Variants in TRPC4AP observed in about 807,000 individuals in gnomAD.
The protein encoded by TRPC4AP is transient receptor potential cation channel subfamily C member 4 associated protein.
TRPC4AP carries 45 observed loss-of-function variants against 99.0 expected under a neutral mutation model. That is an observed-to-expected ratio of 0.45 (90% confidence interval 0.36 to 0.58). TRPC4AP has a LOEUF of 0.58. Ranked by LOEUF, TRPC4AP falls within the 20% of genes least tolerant of loss-of-function variation. The pLI, the probability that TRPC4AP is intolerant of heterozygous loss-of-function variation, is 0.00. For synonymous variants in TRPC4AP, 408 were observed against 385.8 expected (o/e 1.06, Z -0.67); for missense variants, 879 against 985.3 (o/e 0.89, Z 1.44).
chr20:35,003,702 G>T, intron 17 of TRPC4AP, 86 bp from the exon 18 acceptor site: 1 of 1,448,334 alleles, frequency 6.9e-7, no homozygotes, highest in South Asian at 1.3e-5. Flanking sequence ...AGGCAGGGAG[G>T]AGAGTGGCCC....
Position 35,021,371 on chromosome 20 carries a change from G to A in TRPC4AP, c.1052-15C>T, listed in dbSNP as rs756625174. 2.0e-5 allele frequency: 33 copies of A among 1,611,548 alleles called. No individual in the cohort carries two copies. In the East Asian group the frequency reaches 4.9e-4, roughly 24 times the overall value. ...CACAATGGAGGCTGACACAGCCACC[G>A]GAGACAGGATTGAGTCACAGCTTGT... On this transcript the variant is annotated splice_polypyrimidine_tract_variant and intron_variant, in intron 8 of 18. Coordinates refer to ENST00000252015, the MANE Select transcript of TRPC4AP (RefSeq NM_015638.3).
chr20:35,083,514 G>A (rs1055990521), intron 1 of TRPC4AP, among the ~76,000 whole-genome samples: 1 of 151,696 alleles, frequency 6.6e-6, no homozygotes, highest in Non-Finnish European at 1.5e-5. Context: ...GGAGGCTGAG[G>A]CAGGAGAATC....
intron 11 of TRPC4AP, among the ~76,000 whole-genome samples, chr20:35,011,628 ACCCACAACACC>A (rs1247851665): frequency 3.3e-4 from 21 of 64,054 alleles, no homozygotes; most frequent in Admixed American, 2.1e-3. Context: ...TGTGACTGTG[ACCCACAACACC>A]CTGTGACTGT....
chr20:35,059,914 A>AGAC (rs916684353), intron 3 of TRPC4AP, among the ~76,000 whole-genome samples: 7 of 99,392 alleles, frequency 7.0e-5, no homozygotes, highest in Non-Finnish European at 1.4e-4. Context: ...ACGAAGACGA[A>AGAC]GAAGACAAAG....
chr20:35,021,311 A>G lies in TRPC4AP; in HGVS notation c.1097T>C (p.Leu366Pro). 6.2e-7 allele frequency: 1 copy of G among 1,614,206 alleles called. No homozygotes were observed. Among genetic ancestry groups the G allele is most frequent in the Non-Finnish European group, 8.5e-7 (1 of 1,180,040 alleles). The change falls in exon 9 of 19, where the codon CTG becomes CCG. Residue 366 changes from leucine to proline, a missense_variant. Physicochemically the swap from Leu to Pro is moderately conservative, Grantham distance 98. Around this residue, in one of 3 missense-constraint regions of TRPC4AP, gnomAD observed 603 missense variants for 631.8 expected, o/e 0.95. Transcript: ENST00000252015. ...PPPGASEENG[L>P]PHTSARTQLP... is the part of the protein sequence containing the mutation. ...CTGGGTTCTGGCTGACGTGTGAGGC[A>G]GGCCATTCTCCTCAGAAGCCCCTGG...
chr20:35,084,643 TGTATGTTTATATGC>T (rs2084771980), intron 1 of TRPC4AP, among the ~76,000 whole-genome samples: 14 of 95,932 alleles, frequency 1.5e-4, no homozygotes, highest in South Asian at 7.2e-4. Context: ...TGTATATGTA[TGTATGTTTATATGC>T]ATATATGTGT....
chr20:35,047,723 A>T (rs2083591937), intron 6 of TRPC4AP, among the ~76,000 whole-genome samples: 1 of 152,186 alleles, frequency 6.6e-6, no homozygotes, highest in Admixed American at 6.5e-5. Flanking sequence ...ATACCCTTAC[A>T]CAATACAGTT....
intron 8 of TRPC4AP, among the ~76,000 whole-genome samples, chr20:35,022,085 TACTGTGCAG>T (rs2082903336): frequency 6.6e-6 from 1 of 151,932 alleles, no homozygotes; most frequent in South Asian, 2.1e-4. Flanking sequence ...CAGCTAGGGT[TACTGTGCAG>T]ACTGAATGGG....
chr20:35,011,424 G>A (rs2082632893), intron 11 of TRPC4AP, among the ~76,000 whole-genome samples: 1 of 152,156 alleles, frequency 6.6e-6, no homozygotes, highest in Admixed American at 6.5e-5. Context: ...TGTCTACCTT[G>A]GTGATCGTGT....
intron 7 of TRPC4AP, among the ~76,000 whole-genome samples, chr20:35,038,107 T>C (rs552567893): frequency 1.3e-5 from 2 of 149,748 alleles, no homozygotes; most frequent in African/African-American, 4.9e-5. Context: ...GTGTACGGCG[T>C]TTCCTTTTGG....
intron 3 of TRPC4AP, among the ~76,000 whole-genome samples, chr20:35,058,367 T>G (rs777913097): frequency 6.6e-6 from 1 of 152,322 alleles, no homozygotes; most frequent in African/African-American, 2.4e-5. Flanking sequence ...TCTACTCAAG[T>G]GCACATGAAA....
intron 8 of TRPC4AP, among the ~76,000 whole-genome samples, chr20:35,030,773 GGTTT>G (rs1466171279): frequency 6.6e-6 from 1 of 152,110 alleles, no homozygotes; most frequent in Admixed American, 6.6e-5. Flanking sequence ...ATAATTAGAT[GGTTT>G]GTGTAAGTTT....
intron 6 of TRPC4AP, among the ~76,000 whole-genome samples, chr20:35,049,486 G>GATAGA (rs1569121045): frequency 1.6e-5 from 1 of 62,450 alleles, no homozygotes; most frequent in African/African-American, 5.1e-5. Context: ...TTCAGATAGC[G>GATAGA]GTAAAGTGGT....
chr20:35,026,128 T>C (rs1225257840), intron 8 of TRPC4AP, among the ~76,000 whole-genome samples: 3 of 152,190 alleles, frequency 2.0e-5, no homozygotes, highest in Non-Finnish European at 4.4e-5. Context: ...CAATATTCCA[T>C]TGATCAATAT....
At chr20:35,050,455 C>A (rs1231909115) in intron 5 of TRPC4AP, among the ~76,000 whole-genome samples, 1 of 152,104 alleles carries the variant, frequency 6.6e-6, no homozygotes, top group Non-Finnish European at 1.5e-5. Context: ...TGGCTCACAC[C>A]TGTAACCCCA....
chr20:35,091,788 C>A (rs1366444373), intron 1 of TRPC4AP, among the ~76,000 whole-genome samples: 1 of 152,132 alleles, frequency 6.6e-6, no homozygotes, highest in Non-Finnish European at 1.5e-5. Context: ...TTAGTATGCA[C>A]CAGAAATGCA....
chr20:35,025,328 G>A (rs1199941014), intron 8 of TRPC4AP, among the ~76,000 whole-genome samples: 10 of 152,066 alleles, frequency 6.6e-5, no homozygotes, highest in South Asian at 2.1e-4. Context: ...CTATGGGCAC[G>A]TGCCACCATG....
chr20:35,049,950 C>T lies in TRPC4AP; in HGVS notation c.573G>A (p.Val191=), dbSNP rs907139598. Residue 191 remains valine, a synonymous_variant, in exon 6 of 19, where the codon GTG becomes GTA. Coordinates refer to ENST00000252015, the MANE Select transcript of TRPC4AP (RefSeq NM_015638.3). ...TTGTCATCAATGTAAACAGGAAGAT[C>T]ACAAAGTCATTCTTTTCTGCCAAAC... ...TKRLAEKNDF[V]IFLFTLMTSK... The T allele has an allele frequency of 1.9e-6, 3 of 1,614,050 alleles. No individual in the cohort carries two copies. The highest frequency in any genetic ancestry group is 2.5e-6 in the Non-Finnish European group (3 of 1,179,978).
chr20:35,045,599 C>T (rs939192762), intron 6 of TRPC4AP, among the ~76,000 whole-genome samples: 1 of 151,866 alleles, frequency 6.6e-6, no homozygotes, highest in Non-Finnish European at 1.5e-5. Context: ...AGTGCAGTGG[C>T]GCAATCTTGA....
Sources: gnomAD v4.1 joint callset for allele counts (sites outside exome capture counted in the v4.1 genomes callset) on GRCh38, gnomAD v4.1.1 for gene constraint, gnomAD v4.1.1 regional missense constraint, MANE v1.5 for transcripts, NCBI Gene and HGNC (gene_info 2026-07-23, HGNC 2026-07-21) for gene names.